Variants in ATP8B4 observed in about 807,000 individuals in gnomAD.
ATP8B4 encodes the protein probable phospholipid-transporting ATPase IM.
In ATP8B4, 133 loss-of-function variants were observed where a neutral mutation model predicts 145.6. That is an observed-to-expected ratio of 0.91 (90% CI 0.79 to 1.05). The LOEUF is 1.05. Among genes scored for constraint, ATP8B4 ranks in the 50% least tolerant of loss-of-function variants. The pLI is 0.00. For missense variants in ATP8B4, 1,458 were observed against 1,425.2 expected (o/e 1.02, Z -0.37); for synonymous variants, 507 against 492.9 (o/e 1.03, Z -0.38).
At chr15:50,014,097 T>G (rs1024088514) in intron 6 of ATP8B4, among the ~76,000 whole-genome samples, 4 of 152,174 alleles carry the variant, frequency 2.6e-5, no homozygotes, top group African/African-American at 4.8e-5. Context: ...ATCCTTTCCA[T>G]GTTCTAATGC....
chr15:50,138,478 C>T (rs1219419736), intron 1 of ATP8B4, among the ~76,000 whole-genome samples: 1 of 151,638 alleles, frequency 6.6e-6, no homozygotes. Flanking sequence ...GATAGACAGA[C>T]AGATAGATAG....
At chr15:49,910,020 C>G (rs1035554934) in intron 20 of ATP8B4, among the ~76,000 whole-genome samples, 1 of 151,598 alleles carries the variant, frequency 6.6e-6, no homozygotes, top group Non-Finnish European at 1.5e-5. Flanking sequence ...ATGAAATTCC[C>G]ATAAAAATAA....
intron 7 of ATP8B4, among the ~76,000 whole-genome samples, chr15:50,007,239 A>G (rs539354674): frequency 1.3e-5 from 2 of 152,352 alleles, no homozygotes; most frequent in Non-Finnish European, 2.9e-5. Context: ...CTAAGTTCGA[A>G]CAGCTAGAAG....
At chr15:49,892,930 C>CA (rs753505583) in intron 23 of ATP8B4, among the ~76,000 whole-genome samples, 15 of 152,116 alleles carry the variant, frequency 9.9e-5, no homozygotes, top group Non-Finnish European at 1.9e-4. Context: ...AAGGGAGAGA[C>CA]AAAATCTCTC....
upstream of ATP8B4, among the ~76,000 whole-genome samples, chr15:50,122,035 C>T (rs940031159): frequency 3.9e-5 from 6 of 152,160 alleles, no homozygotes; most frequent in African/African-American, 1.4e-4. Context: ...TCTTAAGAAT[C>T]TGAAACCACA....
At chr15:49,932,495 T>C (rs7350798) in intron 15 of ATP8B4, among the ~76,000 whole-genome samples, 33,427 of 152,004 alleles carry the variant, frequency 0.22, 4,851 homozygotes, top group Non-Finnish European at 0.31. Context: ...TAAGTTCTAC[T>C]TCTGGTAACA....
intron 3 of ATP8B4, among the ~76,000 whole-genome samples, chr15:50,073,827 A>G (rs1006470264): frequency 1.3e-5 from 2 of 152,232 alleles, no homozygotes; most frequent in African/African-American, 4.8e-5. Flanking sequence ...TTTTCATATT[A>G]TTCCTATGGA....
At chr15:49,927,841 A>G (rs2040866773) in intron 16 of ATP8B4, among the ~76,000 whole-genome samples, 1 of 152,144 alleles carries the variant, frequency 6.6e-6, no homozygotes, top group African/African-American at 2.4e-5. Context: ...CATCAGTGGC[A>G]CTGGTGATGA....
chr15:50,056,128 G>A (rs1020025403), intron 3 of ATP8B4, among the ~76,000 whole-genome samples: 6 of 152,104 alleles, frequency 3.9e-5, no homozygotes, highest in African/African-American at 1.4e-4. Context: ...TCATCTTAAC[G>A]TTCTCCTGAG....
intron 3 of ATP8B4, among the ~76,000 whole-genome samples, chr15:50,070,632 G>A (rs951875362): frequency 3.3e-5 from 5 of 152,154 alleles, no homozygotes; most frequent in African/African-American, 1.2e-4. Context: ...GGATATCTGT[G>A]CCCCTCTCTG....
intron 14 of ATP8B4, among the ~76,000 whole-genome samples, chr15:49,956,646 ATCC>A (rs1242059292): frequency 6.6e-6 from 1 of 152,140 alleles, no homozygotes; most frequent in African/African-American, 2.4e-5. Flanking sequence ...GACTCAAGTG[ATCC>A]TCCTATCTCA....
intron 1 of ATP8B4, among the ~76,000 whole-genome samples, chr15:50,155,243 C>G (rs2044396041): frequency 6.6e-6 from 1 of 151,940 alleles, no homozygotes; most frequent in Non-Finnish European, 1.5e-5. Context: ...ATTGAATTAG[C>G]CTTATTTATC....
intron 1 of ATP8B4, among the ~76,000 whole-genome samples, chr15:50,131,651 A>G (rs999405948): frequency 2.0e-5 from 3 of 151,850 alleles, no homozygotes; most frequent in Non-Finnish European, 4.4e-5. Context: ...TCTTATAATC[A>G]AATGTTTAAC....
At chr15:50,056,145 C>A (rs2052579470) in intron 3 of ATP8B4, among the ~76,000 whole-genome samples, 1 of 152,214 alleles carries the variant, frequency 6.6e-6, no homozygotes, top group Non-Finnish European at 1.5e-5. Context: ...TGAGCCTCAG[C>A]TCCCAGACTT....
At chr15:49,956,823 G>C (rs2043608506) in intron 14 of ATP8B4, among the ~76,000 whole-genome samples, 1 of 152,072 alleles carries the variant, frequency 6.6e-6, no homozygotes, top group Non-Finnish European at 1.5e-5. Flanking sequence ...TGTGACTATA[G>C]GTGTGAGCCA....
chr15:49,894,461 A>G (rs2037168155), intron 23 of ATP8B4, among the ~76,000 whole-genome samples: 1 of 152,150 alleles, frequency 6.6e-6, no homozygotes. Context: ...AAAAAAAGGT[A>G]TCCTGCCCTA....
chr15:50,166,008 C>CACACACACACA (rs59587584), intron 1 of ATP8B4, among the ~76,000 whole-genome samples: 1 of 146,710 alleles, frequency 6.8e-6, no homozygotes, highest in Non-Finnish European at 1.5e-5. Context: ...CACACACACA[C>CACACACACACA]CTCATCTAAC....
chr15:50,073,001 TATATATATATATATATATAC>T lies in ATP8B4; in HGVS notation c.87+1106_87+1125del, dbSNP rs1477470948. Among the ~76,000 whole-genome samples, 242 of 56,722 alleles carry T rather than the reference TATATATATATATATATATAC, an allele frequency of 4.3e-3. 10 individuals are homozygous for T. The highest frequency in any genetic ancestry group is 0.03 in the East Asian group (46 of 1,538). 37.2% of individuals were successfully genotyped at this position (56,722 alleles called of 152,430 possible). A position where few individuals can be genotyped will look rare whatever the true frequency, so the allele number is the denominator to read the frequency against. On this transcript the variant is annotated intron_variant, in intron 3 of 27. Coordinates refer to ENST00000284509, the MANE Select transcript of ATP8B4 (RefSeq NM_024837.4). ...CTCTCTATATATATATATATATATA[TATATATATATATATATATAC>T]ACACACACACACACACACACACACA...
intron 1 of ATP8B4, among the ~76,000 whole-genome samples, chr15:50,166,487 A>G (rs2044600534): frequency 6.6e-6 from 1 of 152,186 alleles, no homozygotes; most frequent in Non-Finnish European, 1.5e-5. Flanking sequence ...GAAACTGCCA[A>G]CCCTCTACTG....
Sources: allele counts gnomAD v4.1 joint callset (sites outside exome capture counted in the v4.1 genomes callset), GRCh38; gene constraint gnomAD v4.1.1; transcripts MANE v1.5; gene names NCBI Gene and HGNC (gene_info 2026-07-23, HGNC 2026-07-21).